SLA2: variants seen among roughly 807,000 people sequenced by gnomAD.
SLA2 encodes the protein Src like adaptor 2.
A neutral mutation model predicts 27.3 loss-of-function variants in SLA2; 22 were observed. The observed-to-expected ratio is 0.81, with a 90% CI of 0.58 to 1.15. The LOEUF (loss-of-function observed/expected upper bound fraction) is 1.15. Among genes scored for constraint, SLA2 ranks in the 50% most tolerant of loss-of-function variants. The probability of loss-of-function intolerance (pLI) is 0.00; values close to 1 mark genes in which losing one functional copy is unlikely to be tolerated. For missense variants in SLA2, 304 were observed against 322.2 expected (o/e 0.94, Z 0.43); for synonymous variants, 131 against 137.8 (o/e 0.95, Z 0.34).
intron 5 of SLA2, among the ~76,000 whole-genome samples, chr20:36,629,550 G>A (rs1307046015): frequency 6.6e-6 from 1 of 151,630 alleles, no homozygotes; most frequent in African/African-American, 2.4e-5. Flanking sequence ...GAGGTGGGTG[G>A]ATCATCTGAG....
chr20:36,619,698 T>C (rs2147979555), intron 5 of SLA2, among the ~76,000 whole-genome samples: 2 of 149,726 alleles, frequency 1.3e-5, no homozygotes, highest in Middle Eastern at 6.9e-3. Context: ...TGGCGCCATC[T>C]CGGCTCACTG....
intron 5 of SLA2, among the ~76,000 whole-genome samples, chr20:36,623,263 T>C (rs940436988): frequency 3.1e-5 from 3 of 96,868 alleles, no homozygotes; most frequent in African/African-American, 1.3e-4. Flanking sequence ...TGACATTACA[T>C]CTCAAAAAAA....
chr20:36,634,426 G>T, intron 3 of SLA2, 64 bp downstream of exon 3: 2 of 1,260,438 alleles, frequency 1.6e-6, no homozygotes, highest in Non-Finnish European at 2.3e-6. Flanking sequence ...TAGCGCTACA[G>T]GCACACACCA....
At chr20:36,645,012 C>T (rs1978286748) in intron 1 of SLA2, among the ~76,000 whole-genome samples, 1 of 151,128 alleles carries the variant, frequency 6.6e-6, no homozygotes, top group Non-Finnish European at 1.5e-5. Context: ...GTATTTTGTG[C>T]TTCTGAAGAT....
intron 5 of SLA2, among the ~76,000 whole-genome samples, chr20:36,624,421 T>C (rs182273753): frequency 7.2e-5 from 11 of 152,322 alleles, no homozygotes; most frequent in African/African-American, 2.2e-4. Flanking sequence ...CTCTGAACGC[T>C]GCTTTGTTTC....
At chr20:36,616,442 C>T (rs1319782866) in intron 5 of SLA2, among the ~76,000 whole-genome samples, 2 of 151,366 alleles carry the variant, frequency 1.3e-5, no homozygotes, top group South Asian at 2.1e-4. Flanking sequence ...GTGATTCCCC[C>T]GCCTCAGCCT....
chr20:36,636,537 G>A (rs559041807), intron 2 of SLA2, among the ~76,000 whole-genome samples: 11 of 148,664 alleles, frequency 7.4e-5, no homozygotes, highest in South Asian at 2.1e-4. Flanking sequence ...CCTGGGAGGC[G>A]GAGGTTGCGG....
At chr20:36,639,396 TACACACAC>T (rs72401143) in intron 2 of SLA2, among the ~76,000 whole-genome samples, 2,197 of 146,840 alleles carry the variant, frequency 0.015, 62 homozygotes, top group African/African-American at 0.052. Context: ...AAAAAATCTC[TACACACAC>T]ACACACACAC....
chr20:36,613,757 T>TCCCCCCCCC lies in SLA2; in HGVS notation c.*108_*109insGGGGGGGGG. ...GTGGGACCCTAGATGCACCTCTGTG[T>TCCCCCCCCC]CCCACCCTCCCTCCCTGAGTGCACA... On this transcript the variant is annotated 3_prime_UTR_variant, in exon 8 of 8. Coordinates refer to ENST00000262866, the MANE Select transcript of SLA2 (RefSeq NM_032214.4). 2.3e-5 allele frequency: 11 copies of TCCCCCCCCC among 471,818 alleles called. No individual in the cohort carries two copies. Among genetic ancestry groups the TCCCCCCCCC allele is most frequent in the South Asian group, 5.4e-5 (3 of 55,494 alleles). The allele number at this position is 471,818 out of a possible 1,614,324, so 29.2% of individuals were successfully genotyped here.
chr20:36,634,452 T>A, intron 3 of SLA2, 38 bp downstream of exon 3: 1 of 1,434,832 alleles, frequency 7.0e-7, no homozygotes, highest in Non-Finnish European at 9.7e-7. Context: ...CCTGGCTCTA[T>A]TAGTGCATAT....
Position 36,636,621 on chromosome 20 carries a change from A to AT in SLA2, c.92-2033_92-2032insA, listed in dbSNP as rs1283539835. ...ACTCCATCTCAAAAAGAAAAAAAAAAAAATATATATATATATATATATATA... is the reference window on the plus strand; with the variant it reads ...ACTCCATCTCAAAAAGAAAAAAAAAATAAATATATATATATATATATATATA... On this transcript the variant is annotated intron_variant, in intron 2 of 7. Coordinates refer to ENST00000262866, the MANE Select transcript of SLA2 (RefSeq NM_032214.4). Among the ~76,000 whole-genome samples the AT allele has an allele frequency of 6.6e-3, 828 of 125,548 alleles. 9 individuals are homozygous for AT. The highest frequency in any genetic ancestry group is 0.027 in the African/African-American group (748 of 27,398). 82.4% of individuals were successfully genotyped at this position (125,548 alleles called of 152,430 possible).
intron 5 of SLA2, among the ~76,000 whole-genome samples, chr20:36,627,000 G>T (rs1043840434): frequency 1.3e-5 from 2 of 152,328 alleles, no homozygotes; most frequent in African/African-American, 4.8e-5. Context: ...GATAGTCTGG[G>T]TAGGTGGTAG....
chr20:36,612,931 A>C lies in SLA2; in HGVS notation c.*935T>G, dbSNP rs1259413920. The C allele has an allele frequency of 3.3e-5, 5 of 153,132 alleles. No individual in the cohort carries two copies. The highest frequency in any genetic ancestry group is 3.2e-4 in the Admixed American group (5 of 15,440). The allele number at this position is 153,132 out of a possible 1,614,324, so 9.5% of individuals were successfully genotyped here. Reference sequence around the variant, plus strand: ...CCACAAAATGAAATAGAGATCTGAGAGCTAGGCTGGGTGCCGTGGCTCACA... The same window carrying C: ...CCACAAAATGAAATAGAGATCTGAGCGCTAGGCTGGGTGCCGTGGCTCACA... On this transcript the variant is annotated 3_prime_UTR_variant, in exon 8 of 8. Coordinates refer to ENST00000262866, the MANE Select transcript of SLA2 (RefSeq NM_032214.4).
At chr20:36,620,972 G>A (rs1242217739) in intron 5 of SLA2, 3 of 334,420 alleles carry the variant, frequency 9.0e-6, no homozygotes, top group South Asian at 2.9e-5. Context: ...GGTGGATCTG[G>A]CAATTTTACA....
chr20:36,615,102 A>C (rs1428872911), intron 6 of SLA2, 123 bp downstream of exon 6: 1 of 1,496,404 alleles, frequency 6.7e-7, no homozygotes. Flanking sequence ...GCGTGAAAAT[A>C]GGGGAGGCCG....
chr20:36,631,357 T>A (rs767313162), intron 5 of SLA2, among the ~76,000 whole-genome samples: 9 of 152,348 alleles, frequency 5.9e-5, no homozygotes, highest in Non-Finnish European at 8.8e-5. Context: ...TCTCATTATG[T>A]TGGCTAGGCT....
At chr20:36,614,650 G>A in intron 6 of SLA2, 1 of 985,380 alleles carries the variant, frequency 1.0e-6, no homozygotes, top group Non-Finnish European at 1.2e-6. Context: ...TATGATTTAG[G>A]GTGAGTTCAT....
intron 2 of SLA2, among the ~76,000 whole-genome samples, chr20:36,640,393 C>T (rs1316891557): frequency 6.6e-6 from 1 of 152,184 alleles, no homozygotes; most frequent in South Asian, 2.1e-4. Context: ...GACAGTATAG[C>T]AGAACTTTCT....
At position 36,632,654 on chromosome 20, in the gene SLA2, A is replaced by G; in HGVS notation, c.323T>C (p.Leu108Pro). The G allele has an allele frequency of 6.2e-7, 1 of 1,614,208 alleles. No individual in the cohort carries two copies. Reference sequence around the variant, plus strand: ...CCCTCCAGGGTTCCCAGGTAACAACAGCAGTTCCTCTGCTTTCTCCCTGCT... The same window carrying G: ...CCCTCCAGGGTTCCCAGGTAACAACGGCAGTTCCTCTGCTTTCTCCCTGCT... ...GLSREKAEEL[L>P]LLPGNPGGAF... Residue 108 changes from leucine to proline, a missense_variant, in exon 5 of 8, where the codon CTG becomes CCG. By Grantham distance (98) the Leu-to-Pro change is moderately conservative. Coordinates refer to ENST00000262866, the MANE Select transcript of SLA2 (RefSeq NM_032214.4).
Sources: allele counts gnomAD v4.1 joint callset (sites outside exome capture counted in the v4.1 genomes callset), GRCh38; gene constraint gnomAD v4.1.1; transcripts MANE v1.5; gene names NCBI Gene and HGNC (gene_info 2026-07-23, HGNC 2026-07-21).